The following LRRC4C variants were observed in gnomAD, a reference collection of about 807,000 sequenced individuals.
LRRC4C encodes the protein leucine-rich repeat-containing protein 4C.
Under a neutral mutation model 33.6 loss-of-function variants are expected in LRRC4C, and 5 were observed. That is an observed-to-expected ratio of 0.15 (90% CI 0.08 to 0.31). The LOEUF is 0.31. Among genes scored for constraint, LRRC4C ranks in the 10% least tolerant of loss-of-function variants. The probability of loss-of-function intolerance (pLI) is 1.00; values close to 1 mark genes in which losing one functional copy is unlikely to be tolerated. For synonymous variants in LRRC4C, 329 were observed against 302.0 expected (o/e 1.09, Z -0.93); for missense variants, 560 against 796.7 (o/e 0.70, Z 3.58).
intron 3 of LRRC4C, among the ~76,000 whole-genome samples, chr11:40,448,096 C>T (rs756050357): frequency 4.6e-5 from 7 of 152,062 alleles, no homozygotes; most frequent in Non-Finnish European, 8.8e-5. Flanking sequence ...CATGAACCAC[C>T]GCACCCAGCC....
chr11:40,853,468 A>C (rs1214510728), intron 2 of LRRC4C, among the ~76,000 whole-genome samples: 1 of 149,530 alleles, frequency 6.7e-6, no homozygotes, highest in Non-Finnish European at 1.5e-5. Flanking sequence ...AATGTATATA[A>C]ATTAACTATA....
intron 3 of LRRC4C, among the ~76,000 whole-genome samples, chr11:40,352,382 A>C (rs992508677): frequency 1.3e-5 from 2 of 152,034 alleles, no homozygotes; most frequent in African/African-American, 4.8e-5. Flanking sequence ...GAAAACTGAT[A>C]AAATCTTTAC....
At chr11:40,932,861 G>A (rs976323536) in intron 2 of LRRC4C, among the ~76,000 whole-genome samples, 3 of 152,100 alleles carry the variant, frequency 2.0e-5, no homozygotes, top group Admixed American at 6.6e-5. Context: ...GACTAGATGC[G>A]GTCAGACAGC....
In LRRC4C at chr11:40,326,372, G is replaced by T. The variant is rs375465610; in HGVS notation, c.-269-6651C>A. ...AGGTCAGAAGTTCAAGACCAGCCTG[G>T]ACATGATGGTGAAACCCAGTCTCTA... is the stretch of plus-strand genomic sequence containing the variant. On this transcript the variant is annotated intron_variant, in intron 3 of 6. Transcript: ENST00000528697. Among the ~76,000 whole-genome samples the T allele has an allele frequency of 1.3e-4, 19 of 151,968 alleles. No individual in the cohort carries two copies. In the East Asian group the frequency reaches 1.6e-3, roughly 12 times the overall value.
chr11:40,225,443 T>C (rs1565156579), intron 5 of LRRC4C, among the ~76,000 whole-genome samples: 1 of 152,190 alleles, frequency 6.6e-6, no homozygotes, highest in Non-Finnish European at 1.5e-5. Context: ...GCCACTTATA[T>C]GTGAGGTAAG....
intron 3 of LRRC4C, among the ~76,000 whole-genome samples, chr11:40,523,383 GT>G (rs1190657392): frequency 1.3e-5 from 2 of 150,996 alleles, no homozygotes; most frequent in African/African-American, 2.4e-5. Context: ...AGGTTTTTGT[GT>G]TTTTGTTTTT....
intron 3 of LRRC4C, among the ~76,000 whole-genome samples, chr11:40,349,718 A>G (rs1048759988): frequency 2.0e-5 from 3 of 152,080 alleles, no homozygotes; most frequent in African/African-American, 7.2e-5. Flanking sequence ...TTTTCTCCAC[A>G]TTCTTGCCAG....
intron 5 of LRRC4C, among the ~76,000 whole-genome samples, chr11:40,209,112 G>T (rs1362226257): frequency 6.6e-6 from 1 of 152,126 alleles, no homozygotes; most frequent in Non-Finnish European, 1.5e-5. Context: ...CACATTCCCT[G>T]TCCTTAAGGG....
At chr11:40,216,709 A>T (rs1159261788) in intron 5 of LRRC4C, among the ~76,000 whole-genome samples, 1 of 152,168 alleles carries the variant, frequency 6.6e-6, no homozygotes, top group Non-Finnish European at 1.5e-5. Flanking sequence ...CAGTTATGAA[A>T]CAAAAAGCAA....
chr11:40,657,424 C>T (rs1032581252), intron 2 of LRRC4C, among the ~76,000 whole-genome samples: 1 of 152,154 alleles, frequency 6.6e-6, no homozygotes. Context: ...TCTTGGGCCC[C>T]CAAAATGACT....
chr11:40,274,418 CACACAT>C (rs1477591103), intron 4 of LRRC4C, among the ~76,000 whole-genome samples: 11 of 120,780 alleles, frequency 9.1e-5, no homozygotes, highest in Non-Finnish European at 1.0e-4. Flanking sequence ...GGAATAGACA[CACACAT>C]ACACACACAC....
intron 1 of LRRC4C, among the ~76,000 whole-genome samples, chr11:41,225,344 T>C (rs960850426): frequency 3.9e-5 from 6 of 152,164 alleles, no homozygotes; most frequent in African/African-American, 1.4e-4. Context: ...AGAAGGTGGA[T>C]ACCCCATTTT....
intron 1 of LRRC4C, among the ~76,000 whole-genome samples, chr11:41,073,967 T>C (rs1324445460): frequency 1.3e-5 from 2 of 152,204 alleles, no homozygotes; most frequent in Non-Finnish European, 2.9e-5. Flanking sequence ...TAGTAACTAT[T>C]GTTTTGCAGA....
chr11:41,061,081 A>G (rs2135363564), intron 1 of LRRC4C, among the ~76,000 whole-genome samples: 1 of 152,312 alleles, frequency 6.6e-6, no homozygotes, highest in East Asian at 1.9e-4. Context: ...CAAGCAGAGA[A>G]AACTTATTTC....
intron 1 of LRRC4C, among the ~76,000 whole-genome samples, chr11:40,968,114 AG>A (rs1851483078): frequency 1.3e-5 from 2 of 152,078 alleles, no homozygotes; most frequent in Non-Finnish European, 2.9e-5. Flanking sequence ...ACCATAAGAA[AG>A]TGACATAGGC....
intron 6 of LRRC4C, among the ~76,000 whole-genome samples, chr11:40,135,432 A>T (rs1052232369): frequency 6.6e-6 from 1 of 152,184 alleles, no homozygotes; most frequent in Admixed American, 6.5e-5. Flanking sequence ...ACACAGTCCC[A>T]TGGAAAGTAA....
intron 3 of LRRC4C, among the ~76,000 whole-genome samples, chr11:40,355,969 GTATAGTA>G (rs1947646864): frequency 2.3e-5 from 1 of 42,940 alleles, no homozygotes; most frequent in Non-Finnish European, 6.9e-5. Flanking sequence ...GTATAGTATA[GTATAGTA>G]CAGTATAGTA....
chr11:41,323,558 A>G (rs913757433), intron 1 of LRRC4C, among the ~76,000 whole-genome samples: 9 of 152,336 alleles, frequency 5.9e-5, no homozygotes, highest in Non-Finnish European at 5.9e-5. Flanking sequence ...TCTGAAATAC[A>G]TTACAAAATC....
At chr11:41,163,130 G>A (rs1162251280) in intron 1 of LRRC4C, among the ~76,000 whole-genome samples, 3 of 151,924 alleles carry the variant, frequency 2.0e-5, no homozygotes, top group Non-Finnish European at 2.9e-5. Flanking sequence ...CATGTAAGAA[G>A]TGCCTTTCAC....
Sources: gnomAD v4.1 joint callset for allele counts (sites outside exome capture counted in the v4.1 genomes callset) on GRCh38, gnomAD v4.1.1 for gene constraint, MANE v1.5 for transcripts, NCBI Gene and HGNC (gene_info 2026-07-23, HGNC 2026-07-21) for gene names.